Variants in GBE1 observed in about 807,000 individuals in gnomAD.
GBE1 encodes 1,4-alpha-glucan-branching enzyme.
In GBE1, 70 loss-of-function variants were observed where a neutral mutation model predicts 88.8. That is an observed-to-expected ratio of 0.79 (90% CI 0.65 to 0.96). The LOEUF (loss-of-function observed/expected upper bound fraction) is 0.96, where lower values mean the gene tolerates loss of function less well. Ranked by LOEUF, GBE1 falls within the 40% of genes least tolerant of loss-of-function variation. The pLI, the probability that GBE1 is intolerant of heterozygous loss-of-function variation, is 0.00. For missense variants in GBE1, 872 were observed against 871.0 expected (o/e 1.00, Z -0.01); for synonymous variants, 284 against 300.1 (o/e 0.95, Z 0.56).
At chr3:81,500,494 A>G (rs1188450744) in intron 14 of GBE1, among the ~76,000 whole-genome samples, 1 of 152,220 alleles carries the variant, frequency 6.6e-6, no homozygotes, top group Non-Finnish European at 1.5e-5. Context: ...CCAAAAACTA[A>G]AACAGTACAG....
chr3:81,751,474 T>C (rs1706527690), intron 1 of GBE1, among the ~76,000 whole-genome samples: 1 of 152,156 alleles, frequency 6.6e-6, no homozygotes, highest in Non-Finnish European at 1.5e-5. Flanking sequence ...ATCAATAACC[T>C]GTAAATGGGA....
chr3:81,587,027 C>T (rs1050574582), intron 9 of GBE1, among the ~76,000 whole-genome samples: 11 of 151,840 alleles, frequency 7.2e-5, no homozygotes, highest in African/African-American at 2.4e-4. Flanking sequence ...CCTGACCGTT[C>T]GAGACGGGAG....
chr3:81,496,002 A>G (rs1297618738), intron 15 of GBE1, among the ~76,000 whole-genome samples: 1 of 152,222 alleles, frequency 6.6e-6, no homozygotes, highest in Non-Finnish European at 1.5e-5. Context: ...TTAAGGCTCA[A>G]TAATCTCTTA....
At position 81,536,905 on chromosome 3, in the gene GBE1, G is replaced by C; in HGVS notation, c.1803+6C>G. 1 of 1,581,102 alleles carries C rather than the reference G, an allele frequency of 6.3e-7. No individual in the cohort carries two copies. Among genetic ancestry groups the C allele is most frequent in the East Asian group, 2.3e-5 (1 of 42,622 alleles). On this transcript the variant is annotated splice_donor_region_variant and intron_variant, in intron 13 of 15. Transcript: ENST00000429644. ...TAAAACACAGCATCCAGAGTGAAGAGCTTACCTGTGGAGCTGCAAGCCAAC... is the reference window on the plus strand; with the variant it reads ...TAAAACACAGCATCCAGAGTGAAGACCTTACCTGTGGAGCTGCAAGCCAAC...
rs1703721970 is a variant in GBE1, at chr3:81,581,041, A to G, written c.1446+124T>C. On this transcript the variant is annotated intron_variant, in intron 11 of 15. Coordinates refer to ENST00000429644, the MANE Select transcript of GBE1 (RefSeq NM_000158.4). ...TATATTAATACACACACACACATAC[A>G]CACATTATAGTAACTACAGAGGTTT... 4.9e-6 allele frequency: 3 copies of G among 607,936 alleles called. No individual in the cohort carries two copies. The Admixed American group carries it at 9.8e-5, about 20-fold the overall frequency. The allele number at this position is 607,936 out of a possible 1,614,324, so 37.7% of individuals were successfully genotyped here. A position where few individuals can be genotyped will look rare whatever the true frequency, so the allele number is the denominator to read the frequency against.
At chr3:81,521,690 A>G (rs772712198) in intron 14 of GBE1, among the ~76,000 whole-genome samples, 2 of 151,578 alleles carry the variant, frequency 1.3e-5, no homozygotes, top group Non-Finnish European at 3.0e-5. Context: ...CAGATTAATA[A>G]CAGAGAATTG....
At chr3:81,578,407 A>G (rs990311049) in intron 11 of GBE1, among the ~76,000 whole-genome samples, 1 of 151,896 alleles carries the variant, frequency 6.6e-6, no homozygotes, top group Non-Finnish European at 1.5e-5. Flanking sequence ...ATTTTCTGAA[A>G]CATTTATTAT....
At chr3:81,580,885 T>A (rs1186174570) in intron 11 of GBE1, among the ~76,000 whole-genome samples, 8 of 152,056 alleles carry the variant, frequency 5.3e-5, no homozygotes, top group Non-Finnish European at 1.2e-4. Flanking sequence ...CATATAATAC[T>A]TGCAACTGCA....
intron 1 of GBE1, among the ~76,000 whole-genome samples, chr3:81,712,654 G>A (rs907611889): frequency 6.6e-6 from 1 of 151,980 alleles, no homozygotes; most frequent in Non-Finnish European, 1.5e-5. Flanking sequence ...GTCGTGGGGT[G>A]GGGGAAGGGG....
intron 7 of GBE1, among the ~76,000 whole-genome samples, chr3:81,623,877 C>T (rs1019546923): frequency 3.9e-5 from 6 of 152,076 alleles, no homozygotes; most frequent in African/African-American, 1.4e-4. Flanking sequence ...CACTATGTTG[C>T]CCAGGCTGCT....
intron 2 of GBE1, among the ~76,000 whole-genome samples, chr3:81,698,862 T>C (rs3772897): frequency 0.043 from 6,507 of 152,270 alleles, 462 homozygotes; most frequent in East Asian, 0.35. Context: ...ACCTCCATTG[T>C]ACATATACTC....
chr3:81,658,863 A>C (rs1704980818), intron 3 of GBE1, among the ~76,000 whole-genome samples: 1 of 152,238 alleles, frequency 6.6e-6, no homozygotes, highest in Admixed American at 6.5e-5. Flanking sequence ...ACAAGTGAGA[A>C]TAAACACTCC....
intron 12 of GBE1, among the ~76,000 whole-genome samples, chr3:81,555,436 T>C (rs187163578): frequency 1.3e-3 from 200 of 152,302 alleles, no homozygotes; most frequent in African/African-American, 4.5e-3. Context: ...AGAAATAGTA[T>C]AGCAAAGGAA....
chr3:81,580,224 C>T (rs1247535038), intron 11 of GBE1, among the ~76,000 whole-genome samples: 1 of 151,896 alleles, frequency 6.6e-6, no homozygotes, highest in East Asian at 1.9e-4. Context: ...ATTAATATGA[C>T]CTTAAATAAG....
intron 7 of GBE1, among the ~76,000 whole-genome samples, chr3:81,601,861 A>G (rs1193961087): frequency 6.6e-6 from 1 of 152,154 alleles, no homozygotes; most frequent in African/African-American, 2.4e-5. Context: ...TGTACATTCA[A>G]TATGCATTTC....
At chr3:81,612,556 G>A in intron 7 of GBE1, 2 of 775,720 alleles carry the variant, frequency 2.6e-6, no homozygotes, top group Admixed American at 1.8e-5. Flanking sequence ...GTGGATGGTT[G>A]AGAAATGTTG....
chr3:81,696,036 G>GC (rs547075978), intron 2 of GBE1, among the ~76,000 whole-genome samples: 124 of 151,414 alleles, frequency 8.2e-4, no homozygotes, highest in Middle Eastern at 6.8e-3. Flanking sequence ...CTTTTTTTCC[G>GC]CCCCCCCAAG....
chr3:81,592,137 G>GT (rs1236945951), intron 8 of GBE1, among the ~76,000 whole-genome samples: 2 of 152,082 alleles, frequency 1.3e-5, no homozygotes, highest in Non-Finnish European at 2.9e-5. Context: ...TACCACATGT[G>GT]TATGTGTGTG....
At chr3:81,761,293 C>T in intron 1 of GBE1, 82 bp downstream of exon 1, 2 of 1,505,154 alleles carry the variant, frequency 1.3e-6, no homozygotes, top group Non-Finnish European at 1.8e-6. Context: ...CGCGCGAGGG[C>T]CGAGGGGCGG....
Sources: gnomAD v4.1 joint callset for allele counts (sites outside exome capture counted in the v4.1 genomes callset) on GRCh38, gnomAD v4.1.1 for gene constraint, MANE v1.5 for transcripts, NCBI Gene and HGNC (gene_info 2026-07-23, HGNC 2026-07-21) for gene names.